The following ALMS1 variants were observed in gnomAD, a reference collection of about 807,000 sequenced individuals.
ALMS1 encodes ALMS1 centrosome and basal body associated protein.
In ALMS1, 271 loss-of-function variants were observed where a neutral mutation model predicts 352.2. The observed-to-expected ratio is 0.77, with a 90% CI of 0.70 to 0.85. The LOEUF is 0.85. ALMS1 is among the 40% of genes least tolerant of loss of function. The pLI, the probability that ALMS1 is intolerant of heterozygous loss-of-function variation, is 0.00. For synonymous variants in ALMS1, 1,865 were observed against 1,761.2 expected (o/e 1.06, Z -1.48); for missense variants, 5,445 against 4,870.7 (o/e 1.12, Z -3.51).
At chr2:73,570,871 CTGTT>C (rs532799261) in intron 15 of ALMS1, among the ~76,000 whole-genome samples, 7 of 152,284 alleles carry the variant, frequency 4.6e-5, no homozygotes, top group South Asian at 4.1e-4. Context: ...GTTCTTCTTC[CTGTT>C]TGTTTGTTTA....
intron 1 of ALMS1, among the ~76,000 whole-genome samples, chr2:73,405,361 T>G (rs1257002346): frequency 6.6e-6 from 1 of 152,150 alleles, no homozygotes; most frequent in East Asian, 1.9e-4. Flanking sequence ...GGCTGTCCAA[T>G]TAGTTGGAGT....
chr2:73,415,461 C>CT (rs539612413), intron 2 of ALMS1, among the ~76,000 whole-genome samples: 5 of 151,984 alleles, frequency 3.3e-5, no homozygotes, highest in East Asian at 1.9e-4. Context: ...GGCAGAGTGA[C>CT]TTTTTTTTAT....
At chr2:73,388,911 T>C (rs1670590169) in intron 1 of ALMS1, among the ~76,000 whole-genome samples, 1 of 152,136 alleles carries the variant, frequency 6.6e-6, no homozygotes, top group Admixed American at 6.5e-5. Flanking sequence ...TGTGCCTGGC[T>C]CAGATGTCTT....
rs772024967 is a variant in ALMS1, at chr2:73,455,166, G to A, written c.7545G>A (p.Trp2515Ter). 6.2e-7 allele frequency: 1 copy of A among 1,613,174 alleles called. No individual in the cohort carries two copies. The highest frequency in any genetic ancestry group is 1.7e-5 in the Admixed American group (1 of 60,020). The change falls in exon 9 of 23, where the codon TGG (tryptophan) becomes TGA (stop). Residue 2515 changes from tryptophan (W) to a stop codon, truncating the protein, a stop_gained. Transcript: ENST00000613296. LOFTEE classifies it high-confidence loss of function. ...EEESRVRAHA[W>*]NMKFNLAHDC... The stretch of plus-strand genomic sequence containing the variant: ...AAGTGTATGCTTTCTCTCCAGCCTG[G>A]AATATGAAGTTCAATTTAGCACATG...
intron 10 of ALMS1, among the ~76,000 whole-genome samples, chr2:73,513,675 C>T (rs1230491112): frequency 4.6e-5 from 7 of 152,178 alleles, no homozygotes; most frequent in Non-Finnish European, 7.3e-5. Context: ...TAAGGCCACC[C>T]CAGTGTGGAG....
chr2:73,414,473 G>GTTTTTTTTTTTTTTTTTTTTTTTT (rs61660489), intron 2 of ALMS1, among the ~76,000 whole-genome samples: 8 of 66,416 alleles, frequency 1.2e-4, no homozygotes, highest in Admixed American at 2.0e-4. Flanking sequence ...CTTTTTTTCC[G>GTTTTTTTTTTTTTTTTTTTTTTTT]TTTTTTTTTT....
At chr2:73,388,532 A>G (rs937193955) in intron 1 of ALMS1, among the ~76,000 whole-genome samples, 1 of 151,900 alleles carries the variant, frequency 6.6e-6, no homozygotes, top group Non-Finnish European at 1.5e-5. Flanking sequence ...CTGTGTACCC[A>G]TTGTACCCAC....
chr2:73,387,945 G>C (rs551852876), intron 1 of ALMS1, among the ~76,000 whole-genome samples: 1 of 152,332 alleles, frequency 6.6e-6, no homozygotes, highest in East Asian at 1.9e-4. Context: ...GATGGGATGT[G>C]AAAGGTGAAG....
chr2:73,511,433 C>T (rs1369319517), intron 10 of ALMS1, among the ~76,000 whole-genome samples: 1 of 151,928 alleles, frequency 6.6e-6, no homozygotes, highest in African/African-American at 2.4e-5. Context: ...GTTCCCCAAC[C>T]CGTTGTGCTT....
At chr2:73,431,279 A>G (rs970750595) in intron 6 of ALMS1, among the ~76,000 whole-genome samples, 1 of 152,184 alleles carries the variant, frequency 6.6e-6, no homozygotes, top group Non-Finnish European at 1.5e-5. Flanking sequence ...ATAGAAATAG[A>G]TATGGAATGT....
In ALMS1 at chr2:73,489,797, C is replaced by T; in HGVS notation, c.7838C>T (p.Thr2613Ile). The T allele has an allele frequency of 6.2e-7, 1 of 1,614,088 alleles. No individual in the cohort carries two copies. Among genetic ancestry groups the T allele is most frequent in the Non-Finnish European group, 8.5e-7 (1 of 1,180,002 alleles). ...AGATCTGCTGGACCCTCAGAAATGA[C>T]CAGAGGACGGCAGAACCCATCATCA... Reference protein sequence around the residue: ...AFRSAGPSEMTRGRQNPSSCR... With the variant: ...AFRSAGPSEMIRGRQNPSSCR... The change falls in exon 10 of 23, where the codon ACC (threonine) becomes ATC (isoleucine). Residue 2613 changes from threonine (T) to isoleucine (I), a missense_variant. Thr to Ile is a moderately conservative substitution (Grantham distance 89). Transcript: ENST00000613296.
chr2:73,536,479 A>G (rs1319918529), intron 12 of ALMS1, among the ~76,000 whole-genome samples: 1 of 152,006 alleles, frequency 6.6e-6, no homozygotes, highest in African/African-American at 2.4e-5. Context: ...TACACACTTG[A>G]GATTGTTTTT....
At chr2:73,522,170 A>T (rs996878981) in intron 11 of ALMS1, among the ~76,000 whole-genome samples, 2 of 152,092 alleles carry the variant, frequency 1.3e-5, no homozygotes, top group African/African-American at 4.8e-5. Context: ...AAAATTCTTT[A>T]TTTGTCTCAG....
At position 73,519,581 on chromosome 2, in the gene ALMS1, CAT is replaced by C. The variant is rs558762427; in HGVS notation, c.9540-193_9540-192del. On this transcript the variant is annotated intron_variant, in intron 10 of 22. Coordinates refer to ENST00000613296, the MANE Select transcript of ALMS1 (RefSeq NM_001378454.1). Reference sequence around the variant, plus strand: ...AAGTAGGTTTTAAGATAAAAGTAAACATGTGTGATAACATTGTATCAAACAAA... The same window carrying C: ...AAGTAGGTTTTAAGATAAAAGTAAACGTGTGATAACATTGTATCAAACAAA... 4.3e-4 allele frequency among the ~76,000 whole-genome samples: 66 copies of C among 152,278 alleles called. 1 individual carries two copies. The highest frequency in any genetic ancestry group is 1.5e-3 in the East Asian group (8 of 5,188).
chr2:73,399,716 CCTTGTT>C (rs753890568), intron 1 of ALMS1, among the ~76,000 whole-genome samples: 183 of 151,982 alleles, frequency 1.2e-3, no homozygotes, highest in Middle Eastern at 3.4e-3. Flanking sequence ...GGAATCCTTG[CCTTGTT>C]CTTGATCTTA....
chr2:73,570,001 G>A (rs1219371795), intron 15 of ALMS1, among the ~76,000 whole-genome samples: 1 of 152,168 alleles, frequency 6.6e-6, no homozygotes, highest in Non-Finnish European at 1.5e-5. Context: ...GTACAAGAAG[G>A]GACAGGAGAC....
At chr2:73,566,983 C>T (rs1674814121) in intron 15 of ALMS1, among the ~76,000 whole-genome samples, 2 of 152,246 alleles carry the variant, frequency 1.3e-5, no homozygotes, top group Non-Finnish European at 2.9e-5. Context: ...CACAGAGCTT[C>T]CATGTCCTCT....
Position 73,464,530 on chromosome 2 carries a change from A to C in ALMS1, c.7674+9235A>C, listed in dbSNP as rs571071559. Reference sequence around the variant, plus strand: ...AACTGGAAGCATTCCCTTTGAAAACAGGCACAAGACAGGGGTGCCCTCTCT... The same window carrying C: ...AACTGGAAGCATTCCCTTTGAAAACCGGCACAAGACAGGGGTGCCCTCTCT... On this transcript the variant is annotated intron_variant, in intron 9 of 22. Coordinates refer to ENST00000613296, the MANE Select transcript of ALMS1 (RefSeq NM_001378454.1). Among the ~76,000 whole-genome samples the C allele has an allele frequency of 5.7e-3, 875 of 152,256 alleles. 14 individuals are homozygous for C. The highest frequency in any genetic ancestry group is 5.3e-3 in the Non-Finnish European group (361 of 68,002).
intron 21 of ALMS1, among the ~76,000 whole-genome samples, 190 bp from the exon 22 acceptor site, chr2:73,608,285 C>T (rs1016318826): frequency 1.3e-4 from 20 of 152,126 alleles, no homozygotes; most frequent in Non-Finnish European, 2.6e-4. Flanking sequence ...TATTTATCTC[C>T]CCTTCCAGAT....
Sources: gnomAD v4.1 joint callset for allele counts (sites outside exome capture counted in the v4.1 genomes callset) on GRCh38, gnomAD v4.1.1 for gene constraint, MANE v1.5 for transcripts, NCBI Gene and HGNC (gene_info 2026-07-23, HGNC 2026-07-21) for gene names.